HS6ST3: variants seen among roughly 807,000 people sequenced by gnomAD.
HS6ST3 encodes the protein heparan sulfate 6-O-sulfotransferase 3, also known as heparan-sulfate 6-O-sulfotransferase 3.
A neutral mutation model predicts 36.7 loss-of-function variants in HS6ST3; 12 were observed. That is an observed-to-expected ratio of 0.33 (90% CI 0.21 to 0.53). The LOEUF (loss-of-function observed/expected upper bound fraction) is 0.53. Among genes scored for constraint, HS6ST3 ranks in the 20% least tolerant of loss-of-function variants. HS6ST3 has a pLI of 0.95. For synonymous variants in HS6ST3, 240 were observed against 257.5 expected (o/e 0.93, Z 0.65); for missense variants, 584 against 640.9 (o/e 0.91, Z 0.96).
intron 1 of HS6ST3, among the ~76,000 whole-genome samples, chr13:96,466,087 T>C (rs6491293): frequency 0.83 from 125,785 of 151,814 alleles, 53,753 homozygotes; most frequent in Non-Finnish European, 0.95. Flanking sequence ...TCGAGATCAG[T>C]CTGATCAACA....
chr13:96,293,638 A>G (rs1236083607), intron 1 of HS6ST3, among the ~76,000 whole-genome samples: 1 of 152,132 alleles, frequency 6.6e-6, no homozygotes, highest in Non-Finnish European at 1.5e-5. Flanking sequence ...CATAAGTATT[A>G]CATATTTTTC....
Position 96,614,754 on chromosome 13 carries a change from TTTAA to T in HS6ST3, c.708-217732_708-217729del, listed in dbSNP as rs572390435. Among the ~76,000 whole-genome samples, 148 of 152,324 alleles carry T rather than the reference TTTAA, an allele frequency of 9.7e-4. 1 individual carries two copies. The highest frequency in any genetic ancestry group is 3.4e-3 in the Middle Eastern group (1 of 294). On this transcript the variant is annotated intron_variant, in intron 1 of 1. Coordinates refer to ENST00000376705, the MANE Select transcript of HS6ST3 (RefSeq NM_153456.4). The stretch of plus-strand genomic sequence containing the variant: ...ACAGGCATTTAAAAATATATTTTCT[TTTAA>T]TTATGAAAATGTAAAATGATGGTTT...
intron 1 of HS6ST3, among the ~76,000 whole-genome samples, chr13:96,768,229 A>G (rs1182990611): frequency 6.6e-6 from 1 of 152,168 alleles, no homozygotes; most frequent in African/African-American, 2.4e-5. Context: ...ACACTTGCTT[A>G]GCATGCAGAC....
chr13:96,595,342 A>G (rs962020987), intron 1 of HS6ST3, among the ~76,000 whole-genome samples: 3 of 152,128 alleles, frequency 2.0e-5, no homozygotes, highest in African/African-American at 7.2e-5. Flanking sequence ...TGAATTTATC[A>G]TCCCATTTCT....
chr13:96,377,489 T>C (rs1003599648), intron 1 of HS6ST3, among the ~76,000 whole-genome samples: 1 of 152,186 alleles, frequency 6.6e-6, no homozygotes, highest in African/African-American at 2.4e-5. Context: ...TTCTCAAGTA[T>C]TTTTGCTATA....
At chr13:96,225,844 A>G (rs2054477673) in intron 1 of HS6ST3, among the ~76,000 whole-genome samples, 1 of 152,210 alleles carries the variant, frequency 6.6e-6, no homozygotes, top group Non-Finnish European at 1.5e-5. Flanking sequence ...AACTGGGTAA[A>G]AAAGGGGGAA....
At chr13:96,328,548 A>G (rs1223436477) in intron 1 of HS6ST3, among the ~76,000 whole-genome samples, 3 of 151,908 alleles carry the variant, frequency 2.0e-5, no homozygotes, top group Non-Finnish European at 4.4e-5. Flanking sequence ...ATCATGGTGG[A>G]TGAGCTTTTT....
At chr13:96,705,528 A>G (rs189500240) in intron 1 of HS6ST3, among the ~76,000 whole-genome samples, 93 of 152,250 alleles carry the variant, frequency 6.1e-4, no homozygotes, top group African/African-American at 2.2e-3. Flanking sequence ...TTAGGGGACC[A>G]TCCCAGCCTC....
intron 1 of HS6ST3, among the ~76,000 whole-genome samples, chr13:96,599,944 G>A (rs976571652): frequency 2.0e-5 from 3 of 151,962 alleles, no homozygotes; most frequent in Admixed American, 6.6e-5. Flanking sequence ...ATACTTTTGT[G>A]AGTTTCTCTT....
chr13:96,136,558 G>A (rs2054002666), intron 1 of HS6ST3, among the ~76,000 whole-genome samples: 1 of 151,872 alleles, frequency 6.6e-6, no homozygotes, highest in Admixed American at 6.6e-5. Flanking sequence ...CTCCACCGCC[G>A]TGAACCAGTC....
At chr13:96,752,915 T>C (rs564694657) in intron 1 of HS6ST3, among the ~76,000 whole-genome samples, 2 of 152,334 alleles carry the variant, frequency 1.3e-5, no homozygotes, top group East Asian at 3.9e-4. Flanking sequence ...TTGCCTTTCA[T>C]ATTTAACACA....
At chr13:96,493,645 G>A (rs1382522378) in intron 1 of HS6ST3, among the ~76,000 whole-genome samples, 1 of 152,046 alleles carries the variant, frequency 6.6e-6, no homozygotes, top group Non-Finnish European at 1.5e-5. Flanking sequence ...TGAACTGAAC[G>A]ACATATTCTT....
At chr13:96,256,224 T>C (rs956989220) in intron 1 of HS6ST3, among the ~76,000 whole-genome samples, 2 of 151,902 alleles carry the variant, frequency 1.3e-5, no homozygotes, top group Admixed American at 1.3e-4. Context: ...GGAAATGGAG[T>C]TTCACCATAT....
chr13:96,604,630 T>C (rs564365668), intron 1 of HS6ST3, among the ~76,000 whole-genome samples: 1 of 152,330 alleles, frequency 6.6e-6, no homozygotes, highest in East Asian at 1.9e-4. Context: ...ATGTAAAATA[T>C]ATGCCATTAT....
intron 1 of HS6ST3, among the ~76,000 whole-genome samples, chr13:96,102,002 G>C (rs1026216530): frequency 6.6e-6 from 1 of 152,152 alleles, no homozygotes; most frequent in Admixed American, 6.5e-5. Context: ...GGCTATGAAA[G>C]TTATTAGTTC....
At chr13:96,706,366 T>A (rs1254997150) in intron 1 of HS6ST3, among the ~76,000 whole-genome samples, 1 of 147,152 alleles carries the variant, frequency 6.8e-6, no homozygotes, top group South Asian at 2.1e-4. Context: ...TTACTGGAAA[T>A]GTAACAGCAA....
At chr13:96,790,518 T>C (rs571714437) in intron 1 of HS6ST3, among the ~76,000 whole-genome samples, 2 of 152,158 alleles carry the variant, frequency 1.3e-5, no homozygotes, top group South Asian at 4.1e-4. Flanking sequence ...AGAGAAAAAC[T>C]GAACATTAGG....
At chr13:96,457,066 A>G (rs1293233240) in intron 1 of HS6ST3, among the ~76,000 whole-genome samples, 4 of 152,148 alleles carry the variant, frequency 2.6e-5, no homozygotes, top group Non-Finnish European at 5.9e-5. Flanking sequence ...GATCTATATG[A>G]CTTCAAGTTC....
At chr13:96,383,859 G>A (rs989851445) in intron 1 of HS6ST3, among the ~76,000 whole-genome samples, 1 of 152,174 alleles carries the variant, frequency 6.6e-6, no homozygotes, top group African/African-American at 2.4e-5. Context: ...TCAGGATGAG[G>A]CCCAAGTTTG....
Sources: gnomAD v4.1 joint callset for allele counts (sites outside exome capture counted in the v4.1 genomes callset) on GRCh38, gnomAD v4.1.1 for gene constraint, MANE v1.5 for transcripts, NCBI Gene and HGNC (gene_info 2026-07-23, HGNC 2026-07-21) for gene names.